FRMD4B: variants seen among roughly 807,000 people sequenced by gnomAD.
FRMD4B encodes FERM domain-containing protein 4B.
A neutral mutation model predicts 141.5 loss-of-function variants in FRMD4B; 74 were observed. The observed-to-expected ratio is 0.52, with a 90% CI of 0.43 to 0.63. The LOEUF (loss-of-function observed/expected upper bound fraction) is 0.63, where lower values mean the gene tolerates loss of function less well. Among genes scored for constraint, FRMD4B ranks in the 30% least tolerant of loss-of-function variants. FRMD4B has a pLI of 0.00. For synonymous variants in FRMD4B, 506 were observed against 467.9 expected (o/e 1.08, Z -1.05); for missense variants, 1,366 against 1,253.4 (o/e 1.09, Z -1.36).
rs533682412 is a variant in FRMD4B at position 69,192,902 on chromosome 3, C to T, written c.1714+746G>A. 6.6e-5 allele frequency among the ~76,000 whole-genome samples: 10 copies of T among 151,944 alleles called. No individual in the cohort carries two copies. In the East Asian group the frequency reaches 1.2e-3, roughly 18 times the overall value. ...GTGCAATCATAGTTCACTGCAGCCT[C>T]GATTACCTGGGCTCAAATGATCCTC... On this transcript the variant is annotated intron_variant, in intron 17 of 22. Coordinates refer to ENST00000398540, the MANE Select transcript of FRMD4B (RefSeq NM_015123.3).
intron 1 of FRMD4B, among the ~76,000 whole-genome samples, chr3:69,538,518 CAT>C (rs1364764519): frequency 6.6e-6 from 1 of 152,094 alleles, no homozygotes. Context: ...ACTCTTATAA[CAT>C]ATGATGATGC....
intron 1 of FRMD4B, chr3:69,433,219 A>G (rs569505769): frequency 3.5e-4 from 53 of 152,304 alleles, no homozygotes; most frequent in Admixed American, 5.2e-4. Context: ...CAGTGTGGCG[A>G]GAATGAAACA....
intron 1 of FRMD4B, among the ~76,000 whole-genome samples, chr3:69,346,750 G>C (rs1459350514): frequency 6.6e-6 from 1 of 152,146 alleles, no homozygotes; most frequent in Non-Finnish European, 1.5e-5. Flanking sequence ...AAGTGAAGGA[G>C]AAATAAAATC....
intron 1 of FRMD4B, among the ~76,000 whole-genome samples, chr3:69,511,429 C>T (rs529960579): frequency 2.5e-4 from 38 of 152,148 alleles, no homozygotes; most frequent in Admixed American, 1.4e-3. Flanking sequence ...AGAGTACAGA[C>T]GGGAAGCAGC....
At chr3:69,250,999 A>G (rs2093461150) in intron 5 of FRMD4B, among the ~76,000 whole-genome samples, 1 of 152,204 alleles carries the variant, frequency 6.6e-6, no homozygotes, top group South Asian at 2.1e-4. Flanking sequence ...AGCTCTATCA[A>G]TAATATTCAT....
intron 2 of FRMD4B, among the ~76,000 whole-genome samples, chr3:69,395,143 C>A (rs1298921422): frequency 6.6e-6 from 1 of 151,858 alleles, no homozygotes; most frequent in African/African-American, 2.4e-5. Flanking sequence ...GTTAACAAAC[C>A]TGCACGTTCT....
In FRMD4B at chr3:69,365,961, G is replaced by A. The variant is rs919776906; in HGVS notation, c.162+19867C>T. Among the ~76,000 whole-genome samples, 3 of 151,874 alleles carry A rather than the reference G, an allele frequency of 2.0e-5. 1 individual carries two copies. Among genetic ancestry groups the A allele is most frequent in the African/African-American group, 7.3e-5 (3 of 41,286 alleles). On this transcript the variant is annotated intron_variant, in intron 1 of 22. Coordinates refer to ENST00000398540, the MANE Select transcript of FRMD4B (RefSeq NM_015123.3). Reference sequence around the variant, plus strand: ...AGGTCAAGCATGGTGGCTTATGCCCGTAATCCCAGCACTTTGAGAGGCTGA... The same window carrying A: ...AGGTCAAGCATGGTGGCTTATGCCCATAATCCCAGCACTTTGAGAGGCTGA...
At chr3:69,449,832 A>C (rs1249024057) in intron 1 of FRMD4B, among the ~76,000 whole-genome samples, 1 of 152,212 alleles carries the variant, frequency 6.6e-6, no homozygotes, top group East Asian at 1.9e-4. Context: ...AATTTTTAAC[A>C]ATTTAAAATT....
intron 17 of FRMD4B, among the ~76,000 whole-genome samples, chr3:69,190,572 G>A (rs894699703): frequency 3.6e-4 from 54 of 152,102 alleles, no homozygotes; most frequent in African/African-American, 1.3e-3. Flanking sequence ...GCAGCACCAC[G>A]CCTGGCTAAC....
chr3:69,386,457 C>G (rs1019669480), upstream of FRMD4B, among the ~76,000 whole-genome samples: 2 of 152,132 alleles, frequency 1.3e-5, no homozygotes, highest in Non-Finnish European at 2.9e-5. Context: ...CAGACACACA[C>G]CCCCCACACC....
At chr3:69,489,860 A>C (rs1706274772) in intron 1 of FRMD4B, among the ~76,000 whole-genome samples, 1 of 152,250 alleles carries the variant, frequency 6.6e-6, no homozygotes, top group Admixed American at 6.5e-5. Context: ...ATGGGTAAAT[A>C]AAATGTGATT....
At chr3:69,372,900 C>T (rs4279104) in intron 1 of FRMD4B, among the ~76,000 whole-genome samples, 76,401 of 151,994 alleles carry the variant, frequency 0.5, 19,760 homozygotes, top group East Asian at 0.66. Context: ...GAGGCACAGA[C>T]ATGGAGTAAC....
chr3:69,438,529 T>G (rs146379520), intron 1 of FRMD4B, among the ~76,000 whole-genome samples: 6 of 152,224 alleles, frequency 3.9e-5, no homozygotes, highest in African/African-American at 1.4e-4. Context: ...TGTGTCATTC[T>G]GCTAAAAATC....
intron 5 of FRMD4B, chr3:69,250,311 G>A (rs988097156): frequency 4.6e-5 from 21 of 452,632 alleles, no homozygotes; most frequent in Non-Finnish European, 7.1e-5. Context: ...GTGTGTGTGT[G>A]TGTGTGTCTA....
chr3:69,291,414 C>A (rs1269376721), intron 4 of FRMD4B, among the ~76,000 whole-genome samples: 1 of 152,156 alleles, frequency 6.6e-6, no homozygotes, highest in Non-Finnish European at 1.5e-5. Flanking sequence ...AAAAAGAGTT[C>A]TGTGATTGTG....
chr3:69,223,553 G>A (rs191484907), intron 8 of FRMD4B, among the ~76,000 whole-genome samples: 25 of 151,922 alleles, frequency 1.6e-4, no homozygotes, highest in Non-Finnish European at 3.2e-4. Context: ...AAACTATCGC[G>A]CTTGGTCGGG....
intron 7 of FRMD4B, among the ~76,000 whole-genome samples, chr3:69,248,216 C>T (rs2093437483): frequency 6.6e-6 from 1 of 151,606 alleles, no homozygotes; most frequent in Non-Finnish European, 1.5e-5. Flanking sequence ...ATGATTTCTT[C>T]AAATTTCTTA....
chr3:69,251,146 A>G (rs1216229566), intron 5 of FRMD4B, among the ~76,000 whole-genome samples: 1 of 152,226 alleles, frequency 6.6e-6, no homozygotes, highest in African/African-American at 2.4e-5. Flanking sequence ...AAGTTTTAAC[A>G]AATGCAAAAA....
intron 19 of FRMD4B, among the ~76,000 whole-genome samples, chr3:69,185,845 C>A (rs1431686527): frequency 6.6e-6 from 1 of 151,980 alleles, no homozygotes; most frequent in African/African-American, 2.4e-5. Context: ...AGTTCAAGAC[C>A]AGCCTGACCA....
Sources: allele counts gnomAD v4.1 joint callset (sites outside exome capture counted in the v4.1 genomes callset), GRCh38; gene constraint gnomAD v4.1.1; transcripts MANE v1.5; gene names NCBI Gene and HGNC (gene_info 2026-07-23, HGNC 2026-07-21).